Variants in NDUFAF2 observed in about 807,000 individuals in gnomAD.
The protein encoded by NDUFAF2 is NADH dehydrogenase [ubiquinone] 1 alpha subcomplex assembly factor 2.
NDUFAF2 carries 13 observed loss-of-function variants against 22.8 expected under a neutral mutation model. The ratio of observed to expected loss-of-function variants is 0.57; its 90% CI spans 0.37 to 0.91. The LOEUF is 0.91. NDUFAF2 is among the 40% of genes least tolerant of loss of function. NDUFAF2 has a pLI of 0.01. For missense variants in NDUFAF2, 162 were observed against 195.2 expected, an observed-to-expected ratio of 0.83 and a Z score of 1.01; for synonymous variants, 53 against 64.2, an observed-to-expected ratio of 0.83 and a Z score of 0.84.
intron 1 of NDUFAF2, among the ~76,000 whole-genome samples, chr5:60,986,025 C>T (rs1175308213): frequency 6.6e-6 from 1 of 152,138 alleles, no homozygotes; most frequent in Non-Finnish European, 1.5e-5. Flanking sequence ...AGAAAAGGGA[C>T]CCCATGTACC....
At chr5:61,105,470 A>G (rs949763601) in intron 3 of NDUFAF2, among the ~76,000 whole-genome samples, 4 of 151,176 alleles carry the variant, frequency 2.6e-5, no homozygotes, top group Non-Finnish European at 4.4e-5. Context: ...CAAACTTCAC[A>G]ATATCACTTT....
chr5:61,032,054 G>A (rs953367742), intron 1 of NDUFAF2, among the ~76,000 whole-genome samples: 1 of 152,044 alleles, frequency 6.6e-6, no homozygotes, highest in Non-Finnish European at 1.5e-5. Flanking sequence ...CATATCCTTT[G>A]CCCACTTTTT....
intron 3 of NDUFAF2, among the ~76,000 whole-genome samples, chr5:61,138,406 A>G (rs1196323408): frequency 6.6e-6 from 1 of 152,180 alleles, no homozygotes; most frequent in African/African-American, 2.4e-5. Flanking sequence ...CATTTAAGTA[A>G]ATGTATACAG....
At chr5:60,980,821 C>T (rs1488615450) in intron 1 of NDUFAF2, among the ~76,000 whole-genome samples, 1 of 151,890 alleles carries the variant, frequency 6.6e-6, no homozygotes, top group Non-Finnish European at 1.5e-5. Context: ...AGTCTATTAA[C>T]AGCAAAAATG....
intron 3 of NDUFAF2, among the ~76,000 whole-genome samples, chr5:61,131,163 A>G (rs1340086619): frequency 1.3e-5 from 2 of 151,876 alleles, no homozygotes; most frequent in South Asian, 2.1e-4. Flanking sequence ...CTCATTCACC[A>G]TAGATACAGG....
intron 1 of NDUFAF2, among the ~76,000 whole-genome samples, chr5:61,070,494 CTT>C (rs1349893224): frequency 6.6e-6 from 1 of 151,420 alleles, no homozygotes; most frequent in African/African-American, 2.4e-5. Flanking sequence ...AAGATGTATA[CTT>C]TTTTAAAAAA....
intron 1 of NDUFAF2, among the ~76,000 whole-genome samples, chr5:60,996,040 A>G (rs964182229): frequency 6.6e-6 from 1 of 152,144 alleles, no homozygotes; most frequent in Non-Finnish European, 1.5e-5. Context: ...CCTTCAGGAC[A>G]GTGGGCTCCC....
chr5:61,043,618 T>C (rs1001491669), intron 1 of NDUFAF2, among the ~76,000 whole-genome samples: 3 of 152,154 alleles, frequency 2.0e-5, no homozygotes, highest in Non-Finnish European at 4.4e-5. Context: ...CCATAATGTC[T>C]TCAAGTTTCA....
chr5:61,135,816 A>G (rs1037384569), intron 3 of NDUFAF2, among the ~76,000 whole-genome samples: 5 of 151,736 alleles, frequency 3.3e-5, no homozygotes, highest in African/African-American at 1.2e-4. Flanking sequence ...ACCTTTACTA[A>G]TAAATCAGTA....
intron 1 of NDUFAF2, among the ~76,000 whole-genome samples, chr5:60,955,478 G>A (rs1283821565): frequency 6.6e-6 from 1 of 152,068 alleles, no homozygotes; most frequent in Admixed American, 6.6e-5. Flanking sequence ...GCTTTTAAAC[G>A]TATTTTGAAA....
chr5:61,062,081 C>G (rs1043037185), intron 1 of NDUFAF2, among the ~76,000 whole-genome samples: 3 of 152,156 alleles, frequency 2.0e-5, no homozygotes, highest in African/African-American at 7.2e-5. Context: ...AAAAACCACT[C>G]TGTAAAGTTT....
chr5:61,110,301 G>T (rs896248934), intron 3 of NDUFAF2, among the ~76,000 whole-genome samples: 5 of 146,476 alleles, frequency 3.4e-5, no homozygotes, highest in African/African-American at 1.0e-4. Context: ...ATGTATCTTT[G>T]TCTGCTTTTG....
At chr5:61,063,292 G>A (rs976860537) in intron 1 of NDUFAF2, among the ~76,000 whole-genome samples, 1 of 151,602 alleles carries the variant, frequency 6.6e-6, no homozygotes, top group Non-Finnish European at 1.5e-5. Flanking sequence ...GAGTCCAGGA[G>A]TTTGGGATCA....
chr5:61,090,824 T>C (rs958804770), intron 2 of NDUFAF2, among the ~76,000 whole-genome samples: 1 of 152,100 alleles, frequency 6.6e-6, no homozygotes, highest in African/African-American at 2.4e-5. Context: ...TTTTTCCTGA[T>C]CCTCTCCCTC....
At chr5:60,964,999 C>T (rs1216520349) in intron 1 of NDUFAF2, among the ~76,000 whole-genome samples, 2 of 152,082 alleles carry the variant, frequency 1.3e-5, no homozygotes, top group African/African-American at 4.8e-5. Flanking sequence ...GTTGCTATGT[C>T]TGAGAATAGT....
At chr5:60,966,062 C>A (rs1609041) in intron 1 of NDUFAF2, among the ~76,000 whole-genome samples, 3 of 151,918 alleles carry the variant, frequency 2.0e-5, no homozygotes, top group African/African-American at 7.3e-5. Flanking sequence ...ACTAGCCATT[C>A]GAATAGGTGC....
chr5:61,050,409 T>C (rs1752010999), intron 1 of NDUFAF2: 1 of 152,166 alleles, frequency 6.6e-6, no homozygotes, highest in African/African-American at 2.4e-5. Flanking sequence ...TTGAATACTG[T>C]GCTGACTGAC....
At chr5:61,146,821 A>G (rs1037246108) in intron 3 of NDUFAF2, among the ~76,000 whole-genome samples, 7 of 152,102 alleles carry the variant, frequency 4.6e-5, no homozygotes, top group African/African-American at 1.2e-4. Flanking sequence ...TTCATTTTTT[A>G]GCCCTTTTTT....
Position 61,141,465 on chromosome 5 carries a change from A to G in NDUFAF2, c.259-11239A>G, listed in dbSNP as rs555272477. Reference sequence around the variant, plus strand: ...TCTCAGTTAATATATGCATGAACCAATCAGTTAGTGAATGGGAAAGTAGGA... The same window carrying G: ...TCTCAGTTAATATATGCATGAACCAGTCAGTTAGTGAATGGGAAAGTAGGA... On this transcript the variant is annotated intron_variant, in intron 3 of 3. Coordinates refer to ENST00000296597, the MANE Select transcript of NDUFAF2 (RefSeq NM_174889.5). 1.5e-4 allele frequency among the ~76,000 whole-genome samples: 23 copies of G among 152,188 alleles called. 1 individual carries two copies. In the South Asian group the frequency reaches 3.3e-3, roughly 22 times the overall value.
Sources: gnomAD v4.1 joint callset for allele counts (sites outside exome capture counted in the v4.1 genomes callset) on GRCh38, gnomAD v4.1.1 for gene constraint, MANE v1.5 for transcripts, NCBI Gene and HGNC (gene_info 2026-07-23, HGNC 2026-07-21) for gene names.